KIAA2012: variants seen among roughly 807,000 people sequenced by gnomAD.
KIAA2012 encodes KIAA2012, also known as uncharacterized protein KIAA2012.
In KIAA2012, 125 loss-of-function variants were observed where a neutral mutation model predicts 150.6. The observed-to-expected ratio is 0.83, with a 90% CI of 0.72 to 0.96. KIAA2012 has a LOEUF of 0.96. KIAA2012 is among the 40% of genes least tolerant of loss of function. The pLI is 0.00. For synonymous variants in KIAA2012, 462 were observed against 504.7 expected (o/e 0.92, Z 1.13); for missense variants, 1,219 against 1,354.9 (o/e 0.90, Z 1.57).
chr2:202,108,939 A>C (rs1690272771), intron 9 of KIAA2012, among the ~76,000 whole-genome samples: 1 of 152,234 alleles, frequency 6.6e-6, no homozygotes, highest in South Asian at 2.1e-4. Context: ...GGCCTCAGTC[A>C]CTTGGGTTCC....
intron 12 of KIAA2012, among the ~76,000 whole-genome samples, chr2:202,130,580 A>T (rs535843099): frequency 6.6e-6 from 1 of 152,356 alleles, no homozygotes; most frequent in Non-Finnish European, 1.5e-5. Flanking sequence ...TTTTCTATTT[A>T]ATCACCCTTC....
At chr2:202,120,286 G>A (rs1690626544) in intron 11 of KIAA2012, among the ~76,000 whole-genome samples, 1 of 152,200 alleles carries the variant, frequency 6.6e-6, no homozygotes, top group African/African-American at 2.4e-5. Context: ...TGAGGTGGGA[G>A]TATTGCTTGA....
At chr2:202,084,745 A>G (rs984870795) in intron 2 of KIAA2012, among the ~76,000 whole-genome samples, 5 of 152,218 alleles carry the variant, frequency 3.3e-5, no homozygotes, top group African/African-American at 1.2e-4. Flanking sequence ...TATGCATGAG[A>G]AGAGGGTGGG....
At chr2:202,082,185 T>C (rs1439497251) in intron 2 of KIAA2012, among the ~76,000 whole-genome samples, 1 of 152,162 alleles carries the variant, frequency 6.6e-6, no homozygotes, top group Non-Finnish European at 1.5e-5. Context: ...TTTTTTGTCA[T>C]TGAATTGTAG....
intron 14 of KIAA2012, among the ~76,000 whole-genome samples, chr2:202,163,421 T>TA (rs1383725562): frequency 6.6e-6 from 1 of 152,146 alleles, no homozygotes; most frequent in Non-Finnish European, 1.5e-5. Flanking sequence ...TTCTTATATC[T>TA]AAAAAAAGAT....
At chr2:202,109,150 A>G (rs1431143467) in intron 9 of KIAA2012, among the ~76,000 whole-genome samples, 1 of 152,186 alleles carries the variant, frequency 6.6e-6, no homozygotes, top group Non-Finnish European at 1.5e-5. Context: ...TTGTTCAGAA[A>G]TCTGTATCCA....
In KIAA2012 at chr2:202,190,452, A is replaced by G. The variant is rs573193025; in HGVS notation, c.2770A>G (p.Met924Val). 4 of 1,546,380 alleles carry G rather than the reference A, an allele frequency of 2.6e-6. No homozygotes were observed. The South Asian group carries it at 3.6e-5, about 14-fold the overall frequency. ...PSQIATVTGNMESKEERRCED... is the reference protein window; with the variant it reads ...PSQIATVTGNVESKEERRCED... ...TCAGATTGCAACTGTCACTGGCAAC[A>G]TGGAATCTAAAGAAGAGAGAAGATG... The change falls in exon 19 of 24, where the codon ATG (methionine) becomes GTG (valine). Residue 924 changes from methionine to valine, a missense_variant. Transcript: ENST00000498697.
intron 21 of KIAA2012, among the ~76,000 whole-genome samples, chr2:202,195,094 AC>A (rs2105751211): frequency 6.6e-6 from 1 of 152,254 alleles, no homozygotes; most frequent in African/African-American, 2.4e-5. Context: ...TTAATTGACA[AC>A]AATAATTGTA....
chr2:202,087,128 T>A (rs369414275), intron 2 of KIAA2012, among the ~76,000 whole-genome samples: 1 of 152,302 alleles, frequency 6.6e-6, no homozygotes, highest in African/African-American at 2.4e-5. Flanking sequence ...TGCCTATGGA[T>A]GCTTTTGCAC....
intron 2 of KIAA2012, among the ~76,000 whole-genome samples, chr2:202,077,889 T>A (rs1258733296): frequency 1.3e-5 from 2 of 152,144 alleles, no homozygotes; most frequent in South Asian, 4.1e-4. Context: ...TAGAGTACCA[T>A]CTGACTATGA....
intron 15 of KIAA2012, among the ~76,000 whole-genome samples, chr2:202,171,965 A>C (rs1410657604): frequency 6.7e-6 from 1 of 150,338 alleles, no homozygotes; most frequent in South Asian, 2.1e-4. Flanking sequence ...AGCCGCCTCA[A>C]CCTCTCGAGT....
intron 8 of KIAA2012, among the ~76,000 whole-genome samples, chr2:202,105,060 A>AG (rs1690146187): frequency 6.6e-6 from 1 of 152,212 alleles, no homozygotes; most frequent in Admixed American, 6.5e-5. Flanking sequence ...ACATGTCATA[A>AG]GGACCCTCCT....
chr2:202,141,134 G>T (rs1466474730), intron 13 of KIAA2012, among the ~76,000 whole-genome samples: 1 of 152,162 alleles, frequency 6.6e-6, no homozygotes, highest in Non-Finnish European at 1.5e-5. Context: ...TTCTGCAGAG[G>T]CCCTACCGCT....
chr2:202,199,733 T>C (rs1692477831), intron 22 of KIAA2012, among the ~76,000 whole-genome samples: 1 of 152,170 alleles, frequency 6.6e-6, no homozygotes, highest in Admixed American at 6.5e-5. Context: ...TCAAGTCGTT[T>C]TGTAGTGAGG....
intron 2 of KIAA2012, among the ~76,000 whole-genome samples, chr2:202,080,704 A>G (rs1342014239): frequency 6.6e-6 from 1 of 151,916 alleles, no homozygotes; most frequent in Non-Finnish European, 1.5e-5. Context: ...CTCAAAAAAA[A>G]AAAAAAAAAA....
At chr2:202,191,406 G>A (rs554310158) in intron 19 of KIAA2012, among the ~76,000 whole-genome samples, 24 of 151,734 alleles carry the variant, frequency 1.6e-4, no homozygotes, top group Admixed American at 3.3e-4. Context: ...TCGGCCGGAT[G>A]CAGTGGCGCA....
chr2:202,079,475 C>A (rs1433847526), intron 2 of KIAA2012, among the ~76,000 whole-genome samples: 1 of 152,162 alleles, frequency 6.6e-6, no homozygotes, highest in Non-Finnish European at 1.5e-5. Context: ...TGTAAGAATA[C>A]AGGCTGTCGC....
chr2:202,143,141 A>G (rs1003711241), intron 13 of KIAA2012, among the ~76,000 whole-genome samples: 9 of 147,428 alleles, frequency 6.1e-5, no homozygotes, highest in African/African-American at 1.0e-4. Flanking sequence ...CTGGAATGCA[A>G]TGGCACAAAC....
intron 8 of KIAA2012, 50 bp downstream of exon 8, chr2:202,103,164 G>C: frequency 6.6e-7 from 1 of 1,521,702 alleles, no homozygotes; most frequent in Non-Finnish European, 8.9e-7. Flanking sequence ...GGGATGGGGG[G>C]TCCTGCCACT....
Sources: allele counts gnomAD v4.1 joint callset (sites outside exome capture counted in the v4.1 genomes callset), GRCh38; gene constraint gnomAD v4.1.1; transcripts MANE v1.5; gene names NCBI Gene and HGNC (gene_info 2026-07-23, HGNC 2026-07-21).